CNTN4: variants seen among roughly 807,000 people sequenced by gnomAD.
The protein encoded by CNTN4 is contactin-4.
Under a neutral mutation model 122.5 loss-of-function variants are expected in CNTN4, and 77 were observed. That is an observed-to-expected ratio of 0.63 (90% CI 0.52 to 0.76). The LOEUF (loss-of-function observed/expected upper bound fraction) is 0.76. CNTN4 is among the 30% of genes least tolerant of loss of function. The pLI is 0.00. For missense variants in CNTN4, 1,256 were observed against 1,259.1 expected (o/e 1.00, Z 0.04); for synonymous variants, 512 against 447.0 (o/e 1.15, Z -1.83).
intron 6 of CNTN4, among the ~76,000 whole-genome samples, chr3:2,799,059 T>TA (rs2092283140): frequency 6.6e-6 from 1 of 152,338 alleles, no homozygotes; most frequent in African/African-American, 2.4e-5. Flanking sequence ...GATATCTCAG[T>TA]ATAATTTTAA....
intron 6 of CNTN4, 99 bp from the exon 7 acceptor site, chr3:2,819,387 G>C: frequency 1.1e-6 from 1 of 944,270 alleles, no homozygotes; most frequent in Non-Finnish European, 1.7e-6. Context: ...TACCAACGCA[G>C]TTTTGAGCAG....
intron 2 of CNTN4, among the ~76,000 whole-genome samples, chr3:2,290,455 T>C (rs1720199): frequency 0.9 from 136,884 of 152,256 alleles, 61,609 homozygotes; most frequent in East Asian, 0.96. Context: ...TAGTAAGGTC[T>C]GTGGTTGCAG....
At chr3:2,765,682 TGTCGTCTTTGTTTCTA>T (rs1162479024) in intron 6 of CNTN4, among the ~76,000 whole-genome samples, 1 of 152,238 alleles carries the variant, frequency 6.6e-6, no homozygotes, top group Non-Finnish European at 1.5e-5. Context: ...TAAGTTCCTC[TGTCGTCTTTGTTTCTA>T]GTTATAAAAC....
Position 2,149,364 on chromosome 3 carries a change from A to G in CNTN4, c.-145+48725A>G, listed in dbSNP as rs578073075. 9.9e-5 allele frequency among the ~76,000 whole-genome samples: 15 copies of G among 152,276 alleles called. No homozygotes were observed. The South Asian group carries it at 2.3e-3, about 23-fold the overall frequency. On this transcript the variant is annotated intron_variant, in intron 2 of 24. Coordinates refer to ENST00000418658, the MANE Select transcript of CNTN4 (RefSeq NM_175607.3). ...TTATATGAGGGTAAGTTCAATGGCA[A>G]CTTTTAGTCTGTAGAGGGATACGTT...
chr3:2,847,012 ATAAG>A (rs1165561366), intron 7 of CNTN4, among the ~76,000 whole-genome samples: 3 of 152,142 alleles, frequency 2.0e-5, no homozygotes, highest in African/African-American at 7.2e-5. Flanking sequence ...AAATAAATAA[ATAAG>A]TATTATATAA....
chr3:2,587,131 A>G (rs78623526), intron 4 of CNTN4, among the ~76,000 whole-genome samples: 105 of 152,332 alleles, frequency 6.9e-4, no homozygotes, highest in African/African-American at 2.4e-3. Context: ...AATGTATTCC[A>G]TATACATTAT....
chr3:2,473,911 C>A (rs1286771220), intron 3 of CNTN4, among the ~76,000 whole-genome samples: 1 of 151,868 alleles, frequency 6.6e-6, no homozygotes, highest in Non-Finnish European at 1.5e-5. Context: ...ACTCGGGAGG[C>A]TGAGGCAGGA....
chr3:2,393,845 A>G (rs74450380), intron 3 of CNTN4, among the ~76,000 whole-genome samples: 3,834 of 152,162 alleles, frequency 0.025, 155 homozygotes, highest in African/African-American at 0.088. Context: ...ACAGGGTAGT[A>G]GGAATCACTA....
chr3:2,256,570 G>T (rs962808947), intron 2 of CNTN4, among the ~76,000 whole-genome samples: 1 of 152,142 alleles, frequency 6.6e-6, no homozygotes, highest in East Asian at 1.9e-4. Context: ...GAATCCAGCA[G>T]CACATCAAAA....
At chr3:2,815,755 G>A (rs1333241569) in intron 6 of CNTN4, among the ~76,000 whole-genome samples, 2 of 152,022 alleles carry the variant, frequency 1.3e-5, no homozygotes, top group African/African-American at 4.8e-5. Flanking sequence ...AGGAAAAGAA[G>A]TCATTGTTTA....
chr3:2,223,813 G>A (rs1297226759), intron 2 of CNTN4, among the ~76,000 whole-genome samples: 2 of 152,258 alleles, frequency 1.3e-5, no homozygotes, highest in Middle Eastern at 3.4e-3. Flanking sequence ...CACAAGGCTG[G>A]TTAACAGAGA....
intron 2 of CNTN4, among the ~76,000 whole-genome samples, chr3:2,289,132 TC>T (rs1420050615): frequency 2.0e-5 from 3 of 152,194 alleles, no homozygotes; most frequent in Non-Finnish European, 4.4e-5. Context: ...TTAAACAGCT[TC>T]CCAATGCCTA....
In CNTN4 at chr3:2,588,358, TTTTG is replaced by T. The variant is rs377275571; in HGVS notation, c.55+16820_55+16823del. Among the ~76,000 whole-genome samples, 141 of 151,912 alleles carry T rather than the reference TTTTG, an allele frequency of 9.3e-4. 3 individuals carry two copies. The East Asian group carries it at 9.7e-3, about 10-fold the overall frequency. On this transcript the variant is annotated intron_variant, in intron 4 of 24. Coordinates refer to ENST00000418658, the MANE Select transcript of CNTN4 (RefSeq NM_175607.3). ...GTGACTTATTCTTAAGTGAGTTAGG[TTTTG>T]TTTGTTTGTTTGTTTGTTTTTTGAG... is the stretch of plus-strand genomic sequence containing the variant.
intron 7 of CNTN4, among the ~76,000 whole-genome samples, chr3:2,856,300 C>T (rs969852746): frequency 8.6e-5 from 13 of 151,834 alleles, no homozygotes; most frequent in South Asian, 2.1e-4. Flanking sequence ...CTGGTTGCTA[C>T]GAGGCAAAAA....
chr3:2,742,599 T>C (rs1018786465), intron 5 of CNTN4, among the ~76,000 whole-genome samples: 9 of 151,726 alleles, frequency 5.9e-5, no homozygotes, highest in African/African-American at 2.2e-4. Context: ...CCACAGCATT[T>C]TACCCTCCAG....
chr3:2,219,626 G>C (rs1005032430), intron 2 of CNTN4, among the ~76,000 whole-genome samples: 4 of 151,774 alleles, frequency 2.6e-5, no homozygotes, highest in Non-Finnish European at 5.9e-5. Flanking sequence ...TTTAATTTAG[G>C]CTCATATCTA....
intron 2 of CNTN4, among the ~76,000 whole-genome samples, chr3:2,109,440 C>G (rs576836214): frequency 2.0e-5 from 3 of 152,204 alleles, no homozygotes; most frequent in South Asian, 4.1e-4. Context: ...GACATATCCT[C>G]TCTACCTTTG....
chr3:2,707,175 G>A (rs573286751), intron 4 of CNTN4, among the ~76,000 whole-genome samples: 1 of 151,930 alleles, frequency 6.6e-6, no homozygotes, highest in East Asian at 1.9e-4. Context: ...GCATGGTGAT[G>A]CATGCCTGTA....
chr3:2,902,537 C>G (rs2094186225), intron 11 of CNTN4, among the ~76,000 whole-genome samples: 1 of 152,142 alleles, frequency 6.6e-6, no homozygotes. Flanking sequence ...CCCCCTAACT[C>G]TGGTCAGTAC....
Sources: allele counts gnomAD v4.1 joint callset (sites outside exome capture counted in the v4.1 genomes callset), GRCh38; gene constraint gnomAD v4.1.1; transcripts MANE v1.5; gene names NCBI Gene and HGNC (gene_info 2026-07-23, HGNC 2026-07-21).